The following STIM1 variants were observed in gnomAD, a reference collection of about 807,000 sequenced individuals.
The protein encoded by STIM1 is stromal interaction molecule 1.
Under a neutral mutation model 74.7 loss-of-function variants are expected in STIM1, and 25 were observed. That is an observed-to-expected ratio of 0.33 (90% CI 0.24 to 0.47). STIM1 has a LOEUF of 0.47. Ranked by LOEUF, STIM1 falls within the 20% of genes least tolerant of loss-of-function variation. The probability of loss-of-function intolerance (pLI) is 1.00; values close to 1 mark genes in which losing one functional copy is unlikely to be tolerated. For synonymous variants in STIM1, 328 were observed against 348.8 expected (o/e 0.94, Z 0.66); for missense variants, 728 against 920.8 (o/e 0.79, Z 2.71).
chr11:4,004,535 G>A (rs1328593752), intron 2 of STIM1, among the ~76,000 whole-genome samples: 2 of 151,016 alleles, frequency 1.3e-5, no homozygotes, highest in African/African-American at 2.4e-5. Flanking sequence ...CTAGCCATAT[G>A]TAGAAAGCTG....
intron 1 of STIM1, among the ~76,000 whole-genome samples, chr11:3,918,533 C>A (rs113746149): frequency 0.31 from 35,789 of 117,158 alleles, 5,506 homozygotes; most frequent in South Asian, 0.54. Context: ...GACACTGTCT[C>A]AAAAAAAAAA....
intron 5 of STIM1, among the ~76,000 whole-genome samples, chr11:4,060,963 C>A (rs1422485473): frequency 1.3e-5 from 2 of 152,166 alleles, no homozygotes; most frequent in Non-Finnish European, 1.5e-5. Context: ...TAACAGCTTA[C>A]ACATCTCTTT....
chr11:4,049,207 C>T (rs1053188141), intron 3 of STIM1, among the ~76,000 whole-genome samples: 1 of 152,166 alleles, frequency 6.6e-6, no homozygotes, highest in Non-Finnish European at 1.5e-5. Flanking sequence ...GACAGAAAAT[C>T]CTTTCAATCT....
chr11:3,908,603 C>T (rs1203615816), intron 1 of STIM1, among the ~76,000 whole-genome samples: 2 of 84,726 alleles, frequency 2.4e-5, no homozygotes, highest in African/African-American at 1.1e-4. Flanking sequence ...CAGAGCGAGA[C>T]TCCATCTCAA....
intron 2 of STIM1, among the ~76,000 whole-genome samples, chr11:3,991,974 A>AAAAAAAAAAAAAAAAAG (rs2093617447): frequency 7.2e-4 from 32 of 44,478 alleles, no homozygotes; most frequent in East Asian, 2.1e-3. Context: ...AAAAAAAAAG[A>AAAAAAAAAAAAAAAAAG]AAAAAAAAAA....
intron 3 of STIM1, among the ~76,000 whole-genome samples, chr11:4,036,886 A>G (rs997752272): frequency 6.6e-6 from 1 of 152,168 alleles, no homozygotes; most frequent in Non-Finnish European, 1.5e-5. Flanking sequence ...GACAAATGGG[A>G]TCTAATTAAA....
chr11:3,933,472 G>T (rs1417155639), intron 1 of STIM1, among the ~76,000 whole-genome samples: 1 of 152,148 alleles, frequency 6.6e-6, no homozygotes, highest in Non-Finnish European at 1.5e-5. Flanking sequence ...TAGAGTTTAG[G>T]TCCAACTCTA....
At chr11:3,864,704 A>G (rs576293160) in intron 1 of STIM1, among the ~76,000 whole-genome samples, 1 of 152,372 alleles carries the variant, frequency 6.6e-6, no homozygotes, top group South Asian at 2.1e-4. Context: ...ACATAAGGGC[A>G]TGAACACTAG....
chr11:3,946,106 A>G (rs1012119350), intron 1 of STIM1, among the ~76,000 whole-genome samples: 7 of 152,196 alleles, frequency 4.6e-5, no homozygotes, highest in Non-Finnish European at 8.8e-5. Context: ...GTAGGGATGA[A>G]TATCCCAACT....
chr11:3,944,081 G>C (rs1488895552), intron 1 of STIM1, among the ~76,000 whole-genome samples: 1 of 152,194 alleles, frequency 6.6e-6, no homozygotes, highest in Non-Finnish European at 1.5e-5. Flanking sequence ...TAGTTAATGA[G>C]TTAATGATGG....
chr11:3,948,780 T>C (rs2093110060), intron 1 of STIM1, among the ~76,000 whole-genome samples: 1 of 152,218 alleles, frequency 6.6e-6, no homozygotes, highest in South Asian at 2.1e-4. Context: ...AAATCTCCAG[T>C]TCTACCATTA....
chr11:4,022,430 T>TCCTTCCTTC (rs759393967), intron 2 of STIM1, among the ~76,000 whole-genome samples: 8 of 152,034 alleles, frequency 5.3e-5, no homozygotes, highest in Non-Finnish European at 8.8e-5. Context: ...CTTTCTTCTT[T>TCCTTCCTTC]CCTTCCTTCC....
chr11:3,886,424 C>T (rs948020228), intron 1 of STIM1, among the ~76,000 whole-genome samples: 8 of 152,152 alleles, frequency 5.3e-5, no homozygotes, highest in Non-Finnish European at 1.0e-4. Flanking sequence ...CGCGGTGGCT[C>T]ACGCCTGTCA....
chr11:4,026,428 C>T (rs1342529438), intron 3 of STIM1, among the ~76,000 whole-genome samples: 1 of 152,138 alleles, frequency 6.6e-6, no homozygotes, highest in African/African-American at 2.4e-5. Context: ...AAGTGTTTTA[C>T]ATATATTAAC....
chr11:4,087,325 G>T (rs914869068), intron 12 of STIM1, among the ~76,000 whole-genome samples: 2 of 152,202 alleles, frequency 1.3e-5, no homozygotes, highest in Admixed American at 6.5e-5. Flanking sequence ...TGCTATGGGG[G>T]TGTTGAGGAA....
chr11:3,979,138 A>C (rs544482826), intron 2 of STIM1, among the ~76,000 whole-genome samples: 16 of 152,282 alleles, frequency 1.1e-4, no homozygotes, highest in Admixed American at 5.2e-4. Context: ...ATATGGGCCA[A>C]ATTAGATGAA....
intron 3 of STIM1, among the ~76,000 whole-genome samples, chr11:4,029,884 G>A (rs1433168833): frequency 6.6e-6 from 1 of 152,158 alleles, no homozygotes; most frequent in Non-Finnish European, 1.5e-5. Flanking sequence ...CCAGAAATAT[G>A]CCATAATAAC....
chr11:3,884,295 G>A (rs182421179), intron 1 of STIM1, among the ~76,000 whole-genome samples: 15 of 152,330 alleles, frequency 9.8e-5, no homozygotes, highest in Admixed American at 9.1e-4. Context: ...GTGTTGTAAG[G>A]ATTCAGTGAG....
chr11:3,893,336 A>G (rs2091953318), intron 1 of STIM1, among the ~76,000 whole-genome samples: 8 of 152,230 alleles, frequency 5.3e-5, no homozygotes, highest in Admixed American at 4.6e-4. Context: ...TCAGTATTTT[A>G]ACAAGCCTAA....
Sources: allele counts gnomAD v4.1 joint callset (sites outside exome capture counted in the v4.1 genomes callset), GRCh38; gene constraint gnomAD v4.1.1; transcripts MANE v1.5; gene names NCBI Gene and HGNC (gene_info 2026-07-23, HGNC 2026-07-21).